Variants in NEURL1 observed in about 807,000 individuals in gnomAD.
NEURL1 encodes E3 ubiquitin-protein ligase NEURL1.
Under a neutral mutation model 41.2 loss-of-function variants are expected in NEURL1, and 26 were observed. That is an observed-to-expected ratio of 0.63 (90% CI 0.46 to 0.87). NEURL1 has a LOEUF of 0.87. Ranked by LOEUF, NEURL1 falls within the 40% of genes least tolerant of loss-of-function variation. NEURL1 has a pLI of 0.00. For missense variants in NEURL1, 761 were observed against 871.1 expected, an observed-to-expected ratio of 0.87 and a Z score of 1.59; for synonymous variants, 400 against 402.3, an observed-to-expected ratio of 0.99 and a Z score of 0.07.
intron 1 of NEURL1, among the ~76,000 whole-genome samples, chr10:103,526,469 C>T (rs934155321): frequency 1.1e-4 from 17 of 151,962 alleles, no homozygotes; most frequent in African/African-American, 3.9e-4. Context: ...TGGTAGATTT[C>T]ATGTGTCCAG....
At chr10:103,570,742 G>A (rs1428212848) in intron 1 of NEURL1, 130 bp from the exon 2 acceptor site, 39 of 1,444,512 alleles carry the variant, frequency 2.7e-5, no homozygotes, top group Non-Finnish European at 3.5e-5. Flanking sequence ...GCAAGGGGTG[G>A]CGGCAGTGGT....
At chr10:103,499,924 G>A (rs917573986) in intron 1 of NEURL1, among the ~76,000 whole-genome samples, 1 of 152,088 alleles carries the variant, frequency 6.6e-6, no homozygotes, top group African/African-American at 2.4e-5. Context: ...ACCCTTCCCC[G>A]CTTCAGTCAC....
intron 1 of NEURL1, among the ~76,000 whole-genome samples, chr10:103,562,014 C>T (rs1175164160): frequency 6.6e-6 from 1 of 152,220 alleles, no homozygotes; most frequent in Non-Finnish European, 1.5e-5. Context: ...AAGAATCAAA[C>T]ACTAGCAATT....
chr10:103,560,165 G>A (rs764939289), intron 1 of NEURL1, among the ~76,000 whole-genome samples: 31 of 152,092 alleles, frequency 2.0e-4, no homozygotes, highest in East Asian at 5.8e-4. Context: ...GTGTGTGCAC[G>A]CATGTACACA....
chr10:103,579,890 G>T (rs997075912), intron 3 of NEURL1, among the ~76,000 whole-genome samples: 4 of 151,922 alleles, frequency 2.6e-5, no homozygotes, highest in African/African-American at 7.3e-5. Context: ...TGCAGTGAGT[G>T]AGCCTAGATC....
At chr10:103,543,933 G>T (rs988822452) in intron 1 of NEURL1, among the ~76,000 whole-genome samples, 8 of 152,094 alleles carry the variant, frequency 5.3e-5, no homozygotes, top group Admixed American at 2.6e-4. Flanking sequence ...GGTAGGGGGG[G>T]TCATGGAAGG....
chr10:103,505,287 G>A (rs1248526709), intron 1 of NEURL1, among the ~76,000 whole-genome samples: 2 of 150,116 alleles, frequency 1.3e-5, no homozygotes, highest in South Asian at 2.1e-4. Flanking sequence ...GCACTGGTGC[G>A]ATCTCAGCTC....
chr10:103,518,654 G>A (rs1453295347), intron 1 of NEURL1, among the ~76,000 whole-genome samples: 1 of 152,222 alleles, frequency 6.6e-6, no homozygotes, highest in African/African-American at 2.4e-5. Flanking sequence ...AAGACCTGAT[G>A]GCATTTGCAG....
chr10:103,525,977 T>C (rs1213759514), intron 1 of NEURL1, among the ~76,000 whole-genome samples: 1 of 152,244 alleles, frequency 6.6e-6, no homozygotes, highest in Non-Finnish European at 1.5e-5. Context: ...TTTTATCAAG[T>C]ACTTTTTGTG....
intron 1 of NEURL1, among the ~76,000 whole-genome samples, chr10:103,553,287 G>A (rs1169787575): frequency 6.6e-6 from 1 of 152,148 alleles, no homozygotes; most frequent in Admixed American, 6.5e-5. Flanking sequence ...GTAAGACCTC[G>A]TGTTTGCTGT....
At position 103,570,912 on chromosome 10, in the gene NEURL1, C is replaced by CCACCA. The variant is rs1479855201; in HGVS notation, c.129_133dup (p.Lys45ThrfsTer66). Reference sequence around the variant, plus strand: ...CCTTCCCCGTCACTTCTCACCGATGCCACCACAAGCAGAAGCACTGTCCGG... The same window carrying CCACCA: ...CCTTCCCCGTCACTTCTCACCGATGCCACCACACCACAAGCAGAAGCACTGTCCGG... On this transcript the variant is annotated frameshift_variant, in exon 2 of 6. Coordinates refer to ENST00000369780, the MANE Select transcript of NEURL1 (RefSeq NM_004210.5). LOFTEE classifies it high-confidence loss of function. The CCACCA allele has an allele frequency of 6.2e-7, 1 of 1,613,818 alleles. No individual in the cohort carries two copies. Among genetic ancestry groups the CCACCA allele is most frequent in the Admixed American group, 1.7e-5 (1 of 60,018 alleles).
At chr10:103,577,727 G>T (rs989180938) in intron 3 of NEURL1, 3 of 152,376 alleles carry the variant, frequency 2.0e-5, no homozygotes, top group African/African-American at 7.2e-5. Flanking sequence ...CAGGGCCCCA[G>T]CAGTGCTGGT....
chr10:103,562,241 G>A (rs980249722), intron 1 of NEURL1, among the ~76,000 whole-genome samples: 2 of 152,192 alleles, frequency 1.3e-5, no homozygotes, highest in East Asian at 1.9e-4. Flanking sequence ...AAATTAGCCA[G>A]GCGTGGTGGC....
intron 3 of NEURL1, among the ~76,000 whole-genome samples, chr10:103,574,151 C>T (rs963328891): frequency 3.3e-5 from 5 of 152,112 alleles, no homozygotes; most frequent in Non-Finnish European, 4.4e-5. Flanking sequence ...ATGAAGAAAA[C>T]GGCAGGTGGG....
chr10:103,499,206 A>G (rs908557200), intron 1 of NEURL1, among the ~76,000 whole-genome samples: 11 of 152,120 alleles, frequency 7.2e-5, no homozygotes, highest in African/African-American at 2.4e-4. Flanking sequence ...TCTCTTTTCT[A>G]TGATGGCTGA....
intron 1 of NEURL1, among the ~76,000 whole-genome samples, chr10:103,503,977 T>TTATG (rs2033888874): frequency 6.7e-6 from 1 of 148,986 alleles, no homozygotes; most frequent in Non-Finnish European, 1.5e-5. Context: ...ATTTATTTAT[T>TTATG]TATTTATTTA....
intron 1 of NEURL1, among the ~76,000 whole-genome samples, chr10:103,546,520 G>T (rs1458206826): frequency 6.6e-6 from 1 of 152,198 alleles, no homozygotes; most frequent in East Asian, 1.9e-4. Flanking sequence ...AGGGGCAGGT[G>T]TTGGGCTCTG....
At chr10:103,527,447 A>G (rs2034484454) in intron 1 of NEURL1, among the ~76,000 whole-genome samples, 1 of 151,794 alleles carries the variant, frequency 6.6e-6, no homozygotes, top group Non-Finnish European at 1.5e-5. Flanking sequence ...GGCATGCACA[A>G]CCATGCCAGG....
chr10:103,513,435 G>A, intron 1 of NEURL1, among the ~76,000 whole-genome samples: 1 of 152,244 alleles, frequency 6.6e-6, no homozygotes, highest in East Asian at 1.9e-4. Flanking sequence ...CCCTGCCCCA[G>A]GGTGTGGCCT....
Sources: allele counts gnomAD v4.1 joint callset (sites outside exome capture counted in the v4.1 genomes callset), GRCh38; gene constraint gnomAD v4.1.1; transcripts MANE v1.5; gene names NCBI Gene and HGNC (gene_info 2026-07-23, HGNC 2026-07-21).